The following NSMCE1 variants were observed in gnomAD, a reference collection of about 807,000 sequenced individuals.
NSMCE1 encodes NSE1 component of SMC5/6 complex.
In NSMCE1, 18 loss-of-function variants were observed where a neutral mutation model predicts 29.6. The ratio of observed to expected loss-of-function variants is 0.61; its 90% CI spans 0.42 to 0.90. NSMCE1 has a LOEUF of 0.90. Among genes scored for constraint, NSMCE1 ranks in the 40% least tolerant of loss-of-function variants. The probability of loss-of-function intolerance (pLI) is 0.00; values close to 1 mark genes in which losing one functional copy is unlikely to be tolerated. For synonymous variants in NSMCE1, 124 were observed against 133.4 expected (o/e 0.93, Z 0.49); for missense variants, 314 against 343.6 (o/e 0.91, Z 0.68).
intron 4 of NSMCE1, 111 bp downstream of exon 4, chr16:27,234,077 C>G: frequency 1.4e-6 from 1 of 738,698 alleles, no homozygotes; most frequent in Non-Finnish European, 2.4e-6. Context: ...GCAATGGTGG[C>G]CCATGTCCCC....
chr16:27,234,877 G>A (rs1041801922), intron 3 of NSMCE1, among the ~76,000 whole-genome samples: 2 of 152,198 alleles, frequency 1.3e-5, no homozygotes, highest in African/African-American at 2.4e-5. Context: ...ACGGGGAGTC[G>A]GCGGCAGGAG....
At chr16:27,268,358 A>G (rs1424760118) in intron 1 of NSMCE1, 3 of 152,164 alleles carry the variant, frequency 2.0e-5, no homozygotes, top group Non-Finnish European at 2.9e-5. Flanking sequence ...ATCGAATTTT[A>G]TATTTTGCTT....
intron 2 of NSMCE1, among the ~76,000 whole-genome samples, chr16:27,241,029 G>A (rs1056985059): frequency 6.6e-5 from 10 of 152,166 alleles, no homozygotes; most frequent in Non-Finnish European, 1.2e-4. Flanking sequence ...AGCTATGATC[G>A]CATCACTGCA....
chr16:27,254,852 A>G (rs943029336), intron 2 of NSMCE1, among the ~76,000 whole-genome samples: 1 of 135,252 alleles, frequency 7.4e-6, no homozygotes, highest in Non-Finnish European at 1.5e-5. Context: ...GGGTAGGTTT[A>G]AAGTCCAACC....
At chr16:27,259,742 C>T (rs2084134224) in intron 1 of NSMCE1, among the ~76,000 whole-genome samples, 2 of 152,124 alleles carry the variant, frequency 1.3e-5, no homozygotes. Context: ...TCCACCTAGG[C>T]TCATCCTAAT....
chr16:27,260,858 C>CAAAAAAAAAAAAA (rs55762579), intron 1 of NSMCE1, among the ~76,000 whole-genome samples: 11 of 87,960 alleles, frequency 1.3e-4, no homozygotes, highest in African/African-American at 3.4e-4. Context: ...GACCCTGTCT[C>CAAAAAAAAAAAAA]AAAAAAAAAA....
chr16:27,256,510 T>G (rs960593055), intron 2 of NSMCE1, among the ~76,000 whole-genome samples: 4 of 152,208 alleles, frequency 2.6e-5, no homozygotes, highest in African/African-American at 9.7e-5. Context: ...AACGATTTTG[T>G]ACTTCACAAA....
rs757112679 is a variant in NSMCE1 at position 27,235,271 on chromosome 16, G to C, written c.165C>G (p.Asp55Glu). The change falls in exon 3 of 8, where the codon GAC (aspartate) becomes GAG (glutamate). Residue 55 changes from aspartate (D) to glutamate (E), a missense_variant. Coordinates refer to ENST00000361439, the MANE Select transcript of NSMCE1 (RefSeq NM_145080.4). ...AGACACTGTTAATGTTGTTGATGAA[G>C]TCCTCCAACTTATCTACGGTGGCAT... ...DRNATVDKLE[D>E]FINNINSVLE... is the part of the protein sequence containing the mutation. 6.2e-7 allele frequency: 1 copy of C among 1,613,624 alleles called. No homozygotes were observed. Among genetic ancestry groups the C allele is most frequent in the Admixed American group, 1.7e-5 (1 of 59,924 alleles).
At chr16:27,252,214 C>A (rs919618468) in intron 2 of NSMCE1, among the ~76,000 whole-genome samples, 8 of 152,184 alleles carry the variant, frequency 5.3e-5, no homozygotes, top group Admixed American at 4.6e-4. Flanking sequence ...AGGATGGGGG[C>A]TGGTCACCAG....
At chr16:27,225,628 GGA>G (rs909539633) in intron 7 of NSMCE1, 96 bp downstream of exon 7, 1 of 1,441,522 alleles carries the variant, frequency 6.9e-7, no homozygotes, top group African/African-American at 1.4e-5. Flanking sequence ...CACACACCCT[GGA>G]GCCCTTCAGG....
chr16:27,231,959 C>T (rs1030261862), intron 5 of NSMCE1, among the ~76,000 whole-genome samples: 1 of 152,202 alleles, frequency 6.6e-6, no homozygotes, highest in African/African-American at 2.4e-5. Flanking sequence ...TCACCAGGAG[C>T]TCCCAGCCCT....
chr16:27,264,997 GAATA>G (rs1190846933), intron 1 of NSMCE1, among the ~76,000 whole-genome samples: 1 of 151,966 alleles, frequency 6.6e-6, no homozygotes, highest in Non-Finnish European at 1.5e-5. Flanking sequence ...CATAAATGAT[GAATA>G]AATACAGAAA....
chr16:27,263,977 C>G (rs2084191707), intron 1 of NSMCE1, among the ~76,000 whole-genome samples: 1 of 152,130 alleles, frequency 6.6e-6, no homozygotes, highest in Non-Finnish European at 1.5e-5. Context: ...CAAGATGATT[C>G]TAAAAATTTA....
intron 1 of NSMCE1, among the ~76,000 whole-genome samples, chr16:27,261,576 C>T (rs2079328238): frequency 6.6e-6 from 1 of 152,144 alleles, no homozygotes; most frequent in African/African-American, 2.4e-5. Flanking sequence ...TATAGAAAAT[C>T]CATCTTCTCA....
rs377762617 is a variant in NSMCE1 at position 27,243,943 on chromosome 16, G to A, written c.137-8644C>T. 5.5e-4 allele frequency among the ~76,000 whole-genome samples: 84 copies of A among 152,354 alleles called. 1 individual carries two copies. Among genetic ancestry groups the A allele is most frequent in the African/African-American group, 1.9e-3 (81 of 41,590 alleles). ...TGGGACTACAGGCATGTACCACCAT[G>A]CTTGCCAGCTTCCCTAATTTTTATC... On this transcript the variant is annotated intron_variant, in intron 2 of 7. Transcript: ENST00000361439.
intron 6 of NSMCE1, 45 bp downstream of exon 6, chr16:27,226,675 G>T: frequency 7.9e-7 from 1 of 1,269,440 alleles, no homozygotes; most frequent in Non-Finnish European, 1.1e-6. Context: ...AGCCCCGGGA[G>T]CCGAGGGCCC....
intron 2 of NSMCE1, among the ~76,000 whole-genome samples, chr16:27,239,036 A>G (rs935968599): frequency 2.2e-4 from 33 of 151,956 alleles, no homozygotes; most frequent in African/African-American, 7.7e-4. Context: ...ACACCTGGCT[A>G]ATTTTTTGTA....
At chr16:27,240,367 G>A (rs1011446990) in intron 2 of NSMCE1, among the ~76,000 whole-genome samples, 1 of 152,116 alleles carries the variant, frequency 6.6e-6, no homozygotes, top group Admixed American at 6.5e-5. Flanking sequence ...GGATCAGCCC[G>A]GCCTGGCCCA....
chr16:27,234,669 T>C (rs2083799917), intron 3 of NSMCE1, among the ~76,000 whole-genome samples: 1 of 152,238 alleles, frequency 6.6e-6, no homozygotes, highest in South Asian at 2.1e-4. Context: ...GAATTGAGTT[T>C]GGGCAACCCT....
Sources: gnomAD v4.1 joint callset for allele counts (sites outside exome capture counted in the v4.1 genomes callset) on GRCh38, gnomAD v4.1.1 for gene constraint, MANE v1.5 for transcripts, NCBI Gene and HGNC (gene_info 2026-07-23, HGNC 2026-07-21) for gene names.